RRP15: variants seen among roughly 807,000 people sequenced by gnomAD.
The protein encoded by RRP15 is ribosomal RNA processing 15 homolog.
Under a neutral mutation model 27.1 loss-of-function variants are expected in RRP15, and 18 were observed. The observed-to-expected ratio is 0.66, with a 90% confidence interval of 0.46 to 0.98. RRP15 has a LOEUF of 0.98. RRP15 is among the 50% of genes least tolerant of loss of function. The pLI is 0.00. For missense variants in RRP15, 359 were observed against 337.8 expected, an observed-to-expected ratio of 1.06 and a Z score of -0.49; for synonymous variants, 107 against 109.4, an observed-to-expected ratio of 0.98 and a Z score of 0.14.
chr1:218,298,353 A>G (rs997240691), intron 1 of RRP15, among the ~76,000 whole-genome samples: 1 of 152,124 alleles, frequency 6.6e-6, no homozygotes, highest in Admixed American at 6.5e-5. Context: ...AACACCTACA[A>G]ATTCTATTAC....
At chr1:218,314,572 T>C (rs577481125) in intron 4 of RRP15, among the ~76,000 whole-genome samples, 10 of 152,320 alleles carry the variant, frequency 6.6e-5, no homozygotes, top group Non-Finnish European at 1.2e-4. Context: ...ACTCTTGAAT[T>C]ACAGACTTTC....
intron 4 of RRP15, among the ~76,000 whole-genome samples, 199 bp downstream of exon 4, chr1:218,307,831 G>A (rs1379204067): frequency 6.6e-6 from 1 of 152,088 alleles, no homozygotes; most frequent in Admixed American, 6.6e-5. Context: ...ACATTTTGGA[G>A]AATAGAAGCC....
rs1656417145 is a variant in RRP15 at position 218,334,323 on chromosome 1, A to T, written c.*3232A>T. On this transcript the variant is annotated 3_prime_UTR_variant, in exon 5 of 5. Coordinates refer to ENST00000366932, the MANE Select transcript of RRP15 (RefSeq NM_016052.4). ...GGTTACCACTAGTACTTAGAGCCTA[A>T]AGTCACTCAGTAGGAGGTTCTCAAA... is the stretch of plus-strand genomic sequence containing the variant. 1 of 152,208 alleles carries T rather than the reference A, an allele frequency of 6.6e-6. No individual in the cohort carries two copies. The highest frequency in any genetic ancestry group is 1.5e-5 in the Non-Finnish European group (1 of 68,030). The allele number at this position is 152,208 out of a possible 1,614,324, so 9.4% of individuals were successfully genotyped here.
At position 218,331,669 on chromosome 1, in the gene RRP15, TTTTTTTTTTTTTTTTTTTTTTG is replaced by T. The variant is rs1490586250; in HGVS notation, c.*579_*600del. On this transcript the variant is annotated 3_prime_UTR_variant, in exon 5 of 5. Transcript: ENST00000366932. ...ATTTCAACTTTTTTTTTTTTTTTTT[TTTTTTTTTTTTTTTTTTTTTTG>T]AGACGGAGTCTTGCTCTGTGGCCCC... is the stretch of plus-strand genomic sequence containing the variant. The T allele has an allele frequency of 2.0e-5, 2 of 100,702 alleles. No individual in the cohort carries two copies. Among genetic ancestry groups the T allele is most frequent in the Admixed American group, 2.0e-4 (2 of 10,224 alleles). The allele number at this position is 100,702 out of a possible 1,614,324, so 6.2% of individuals were successfully genotyped here. A position where few individuals can be genotyped will look rare whatever the true frequency, so the allele number is the denominator to read the frequency against.
chr1:218,326,106 A>G (rs1380876937), intron 4 of RRP15, among the ~76,000 whole-genome samples: 1 of 152,142 alleles, frequency 6.6e-6, no homozygotes, highest in African/African-American at 2.4e-5. Context: ...GTAGTTTGAG[A>G]CCAGTTTGGC....
Position 218,332,377 on chromosome 1 carries a change from A to G in RRP15, c.*1286A>G, listed in dbSNP as rs1035388689. The G allele has an allele frequency of 1.9e-4, 29 of 152,154 alleles. No homozygotes were observed. Among genetic ancestry groups the G allele is most frequent in the African/African-American group, 6.8e-4 (28 of 41,440 alleles). The allele number at this position is 152,154 out of a possible 1,614,324, so 9.4% of individuals were successfully genotyped here. On this transcript the variant is annotated 3_prime_UTR_variant, in exon 5 of 5. Transcript: ENST00000366932. Reference sequence around the variant, plus strand: ...AAAGACTGTTTAATATCATTCCAAAATTTTTGTGAAATGTGGCCCAAGATC... The same window carrying G: ...AAAGACTGTTTAATATCATTCCAAAGTTTTTGTGAAATGTGGCCCAAGATC...
At position 218,332,434 on chromosome 1, in the gene RRP15, T is replaced by A. The variant is rs189407178; in HGVS notation, c.*1343T>A. 8.1e-4 allele frequency: 123 copies of A among 152,344 alleles called. No individual in the cohort carries two copies. Among genetic ancestry groups the A allele is most frequent in the Admixed American group, 8.0e-3 (123 of 15,306 alleles). 9.4% of individuals were successfully genotyped at this position (152,344 alleles called of 1,614,324 possible). The stretch of plus-strand genomic sequence containing the variant: ...TTTTAAGGGAATTATTTTTAATAAA[T>A]ATGATCTGTCCCTTTTTGAAAAGGA... On this transcript the variant is annotated 3_prime_UTR_variant, in exon 5 of 5. Transcript: ENST00000366932.
At chr1:218,310,423 T>C (rs1446473091) in intron 4 of RRP15, among the ~76,000 whole-genome samples, 1 of 152,210 alleles carries the variant, frequency 6.6e-6, no homozygotes, top group African/African-American at 2.4e-5. Context: ...TTCCCAGTTA[T>C]ATGTGTTATT....
chr1:218,311,999 A>T (rs918488789), intron 4 of RRP15, among the ~76,000 whole-genome samples: 6 of 152,182 alleles, frequency 3.9e-5, no homozygotes, highest in African/African-American at 1.4e-4. Flanking sequence ...AATAGGTGGG[A>T]GTGATGTGGC....
chr1:218,291,391 G>A (rs998216332), intron 1 of RRP15, among the ~76,000 whole-genome samples: 16 of 151,660 alleles, frequency 1.1e-4, no homozygotes, highest in African/African-American at 3.1e-4. Context: ...GTTGCAGTGG[G>A]CCAAGATTGT....
intron 1 of RRP15, among the ~76,000 whole-genome samples, chr1:218,290,256 C>T (rs1655617605): frequency 6.6e-6 from 1 of 152,160 alleles, no homozygotes; most frequent in Non-Finnish European, 1.5e-5. Context: ...TACTTACTCT[C>T]AATTTGTGAA....
At position 218,335,929 on chromosome 1, in the gene RRP15, TAGC is replaced by T. The variant is rs1211552443; in HGVS notation, c.*4840_*4842del. The T allele has an allele frequency of 6.6e-6, 1 of 152,214 alleles. No homozygotes were observed. The highest frequency in any genetic ancestry group is 1.5e-5 in the Non-Finnish European group (1 of 68,042). 9.4% of individuals were successfully genotyped at this position (152,214 alleles called of 1,614,324 possible). On this transcript the variant is annotated 3_prime_UTR_variant, in exon 5 of 5. Coordinates refer to ENST00000366932, the MANE Select transcript of RRP15 (RefSeq NM_016052.4). The stretch of plus-strand genomic sequence containing the variant: ...GTTAAGCCACTTAGTTAATAACAAA[TAGC>T]ATTTGGTTTTTTAGCATTATTTATC...
At chr1:218,306,835 T>C (rs959255068) in intron 3 of RRP15, among the ~76,000 whole-genome samples, 2 of 152,194 alleles carry the variant, frequency 1.3e-5, no homozygotes, top group Non-Finnish European at 2.9e-5. Context: ...ATTAATGATA[T>C]TTAAGGATTC....
intron 1 of RRP15, among the ~76,000 whole-genome samples, chr1:218,300,264 ATG>A (rs1200383400): frequency 2.0e-5 from 3 of 152,176 alleles, no homozygotes; most frequent in South Asian, 4.1e-4. Context: ...CTTTTAAAAA[ATG>A]TGAAATGTTA....
At chr1:218,321,117 T>C (rs376730472) in intron 4 of RRP15, among the ~76,000 whole-genome samples, 2 of 152,176 alleles carry the variant, frequency 1.3e-5, no homozygotes, top group African/African-American at 4.8e-5. Context: ...TGGCTGCCAA[T>C]GTATGTTTGC....
At position 218,302,279 on chromosome 1, in the gene RRP15, T is replaced by C. The variant is rs1422834889; in HGVS notation, c.140-15T>C. On this transcript the variant is annotated splice_polypyrimidine_tract_variant and intron_variant, in intron 1 of 4. Coordinates refer to ENST00000366932, the MANE Select transcript of RRP15 (RefSeq NM_016052.4). ...ATATTAAAGTTTAATTTGCCTTTAC[T>C]CTTTGGTTCTATAGGAAGCTGTGGA... 3.8e-6 allele frequency: 6 copies of C among 1,598,950 alleles called. No individual in the cohort carries two copies. Among genetic ancestry groups the C allele is most frequent in the Non-Finnish European group, 5.1e-6 (6 of 1,169,382 alleles).
intron 3 of RRP15, among the ~76,000 whole-genome samples, chr1:218,305,743 C>A (rs1655889458): frequency 6.6e-6 from 1 of 151,968 alleles, no homozygotes; most frequent in Non-Finnish European, 1.5e-5. Context: ...AAGAACCTAG[C>A]AGTTATATTT....
chr1:218,285,576 GA>G, intron 1 of RRP15, 121 bp downstream of exon 1: 9 of 1,303,522 alleles, frequency 6.9e-6, no homozygotes, highest in Non-Finnish European at 8.6e-6. Context: ...CACCACTTCA[GA>G]GGGGCGACTT....
At chr1:218,300,627 A>G (rs1655797623) in intron 1 of RRP15, among the ~76,000 whole-genome samples, 1 of 152,234 alleles carries the variant, frequency 6.6e-6, no homozygotes, top group African/African-American at 2.4e-5. Flanking sequence ...CAATAAGCTG[A>G]TATAAAAAGG....
Sources: gnomAD v4.1 joint callset for allele counts (sites outside exome capture counted in the v4.1 genomes callset) on GRCh38, gnomAD v4.1.1 for gene constraint, MANE v1.5 for transcripts, NCBI Gene and HGNC (gene_info 2026-07-23, HGNC 2026-07-21) for gene names.